GRIK4: variants seen among roughly 807,000 people sequenced by gnomAD.
The protein encoded by GRIK4 is glutamate receptor ionotropic, kainate 4.
Under a neutral mutation model 104.9 loss-of-function variants are expected in GRIK4, and 40 were observed. The ratio of observed to expected loss-of-function variants is 0.38; its 90% CI spans 0.30 to 0.50. The LOEUF (loss-of-function observed/expected upper bound fraction) is 0.50, where lower values mean the gene tolerates loss of function less well. Ranked by LOEUF, GRIK4 falls within the 20% of genes least tolerant of loss-of-function variation. The pLI, the probability that GRIK4 is intolerant of heterozygous loss-of-function variation, is 0.93. For synonymous variants in GRIK4, 485 were observed against 524.9 expected (o/e 0.92, Z 1.04); for missense variants, 1,047 against 1,308.1 (o/e 0.80, Z 3.08).
intron 1 of GRIK4, among the ~76,000 whole-genome samples, chr11:120,531,193 G>A (rs1947920046): frequency 6.6e-6 from 1 of 152,184 alleles, no homozygotes; most frequent in African/African-American, 2.4e-5. Flanking sequence ...GTGGATTTGC[G>A]ATTCTTATGT....
chr11:120,530,649 G>A (rs536799830), intron 1 of GRIK4, among the ~76,000 whole-genome samples: 18 of 152,264 alleles, frequency 1.2e-4, no homozygotes, highest in African/African-American at 3.6e-4. Flanking sequence ...CTCTGTCTTC[G>A]ACAACCGCGT....
At position 120,961,035 on chromosome 11, in the gene GRIK4, T is replaced by C. The variant is rs749073836; in HGVS notation, c.2001T>C (p.Tyr667=). 5.0e-6 allele frequency: 8 copies of C among 1,614,200 alleles called. No individual in the cohort carries two copies. In the South Asian group the frequency reaches 7.7e-5, roughly 16 times the overall value. ...TGGCTGACCAGACCGCCATTGAATA[T>C]GGCACAATTCACGGAGGCTCCAGCA... is the stretch of plus-strand genomic sequence containing the variant. ...DDLADQTAIE[Y]GTIHGGSSMT... The change falls in exon 17 of 21, where the codon TAT becomes TAC. Residue 667 remains tyrosine, a synonymous_variant. Coordinates refer to ENST00000527524, the MANE Select transcript of GRIK4 (RefSeq NM_014619.5).
chr11:120,616,042 G>A (rs1949108454), intron 1 of GRIK4, among the ~76,000 whole-genome samples: 2 of 152,132 alleles, frequency 1.3e-5, no homozygotes, highest in African/African-American at 4.8e-5. Flanking sequence ...TGGCTGACAG[G>A]TCAAGCACCC....
In GRIK4 at chr11:120,543,742, T is replaced by A. The variant is rs1798094729; in HGVS notation, c.-159+31855T>A. Among the ~76,000 whole-genome samples the A allele has an allele frequency of 2.0e-5, 3 of 152,186 alleles. 1 individual carries two copies. In the South Asian group the frequency reaches 6.2e-4, roughly 32 times the overall value. On this transcript the variant is annotated intron_variant, in intron 1 of 20. Coordinates refer to ENST00000527524, the MANE Select transcript of GRIK4 (RefSeq NM_014619.5). The stretch of plus-strand genomic sequence containing the variant: ...ACTAGTCACAATAGCCAAGAGAGTG[T>A]TCCTCTTGGAAGAATGGAATCCAGA...
intron 19 of GRIK4, among the ~76,000 whole-genome samples, chr11:120,978,360 G>A (rs537834749): frequency 6.6e-5 from 10 of 152,260 alleles, no homozygotes; most frequent in South Asian, 4.1e-4. Context: ...AGTGACCTCC[G>A]AGCTAAGTCT....
rs1953045939 is a variant in GRIK4, at chr11:120,819,372, C to T, written c.346-383C>T. On this transcript the variant is annotated intron_variant, in intron 5 of 20. Transcript: ENST00000527524. The surrounding 1 kb of genome is among the most constrained non-coding windows in gnomAD (Gnocchi z 4.3). ...CGTCTCTGCTCTGATGTATTAACTA[C>T]AAATAAAATATTCTAAGGATTATGC... is the stretch of plus-strand genomic sequence containing the variant. Among the ~76,000 whole-genome samples the T allele has an allele frequency of 6.6e-6, 1 of 152,180 alleles. No individual in the cohort carries two copies. The highest frequency in any genetic ancestry group is 1.5e-5 in the Non-Finnish European group (1 of 68,038).
intron 8 of GRIK4, among the ~76,000 whole-genome samples, chr11:120,838,322 T>C (rs1356342735): frequency 1.3e-5 from 2 of 152,218 alleles, no homozygotes; most frequent in East Asian, 3.8e-4. Context: ...ACAAGTTTAT[T>C]ATGAGGATTA....
chr11:120,528,535 C>T (rs1396199799), intron 1 of GRIK4, among the ~76,000 whole-genome samples: 1 of 152,172 alleles, frequency 6.6e-6, no homozygotes, highest in African/African-American at 2.4e-5. Flanking sequence ...TCTTAGGGAA[C>T]CCATCTGTAT....
intron 1 of GRIK4, among the ~76,000 whole-genome samples, chr11:120,537,728 C>T (rs1947992420): frequency 6.6e-6 from 1 of 152,226 alleles, no homozygotes; most frequent in African/African-American, 2.4e-5. Context: ...CCTTTACCTA[C>T]AGCTTCAGTC....
intron 19 of GRIK4, among the ~76,000 whole-genome samples, chr11:120,972,839 G>T (rs1462765824): frequency 2.0e-5 from 3 of 152,092 alleles, no homozygotes; most frequent in Non-Finnish European, 1.5e-5. Context: ...TATTTCTGGA[G>T]TTTGGCAAAC....
intron 1 of GRIK4, among the ~76,000 whole-genome samples, chr11:120,518,508 C>T (rs1282680293): frequency 6.6e-6 from 1 of 151,944 alleles, no homozygotes; most frequent in Non-Finnish European, 1.5e-5. Flanking sequence ...CCCAGAGAGA[C>T]GAGGGGCCCA....
intron 12 of GRIK4, among the ~76,000 whole-genome samples, chr11:120,901,136 C>T (rs189905430): frequency 4.1e-4 from 63 of 152,310 alleles, no homozygotes; most frequent in Admixed American, 2.2e-3. Context: ...CTCCTGTCAG[C>T]GTGGTCATTT....
intron 3 of GRIK4, among the ~76,000 whole-genome samples, chr11:120,689,920 T>C (rs1411836171): frequency 6.6e-6 from 1 of 152,226 alleles, no homozygotes; most frequent in Non-Finnish European, 1.5e-5. Context: ...TTCCTGGTGC[T>C]CGATAAATAT....
chr11:120,974,046 T>C (rs1944520327), intron 19 of GRIK4, among the ~76,000 whole-genome samples: 1 of 152,176 alleles, frequency 6.6e-6, no homozygotes, highest in Admixed American at 6.5e-5. Context: ...TAGCTGGGAT[T>C]ACAGGCGCAT....
chr11:120,968,596 C>T (rs189196348), intron 19 of GRIK4, among the ~76,000 whole-genome samples: 125 of 152,242 alleles, frequency 8.2e-4, no homozygotes, highest in African/African-American at 2.9e-3. Context: ...TATGGATATA[C>T]GGAGCAAGTA....
At chr11:120,565,913 A>T (rs891440934) in intron 1 of GRIK4, among the ~76,000 whole-genome samples, 1 of 152,224 alleles carries the variant, frequency 6.6e-6, no homozygotes, top group Non-Finnish European at 1.5e-5. Flanking sequence ...GAGTTGAGAC[A>T]CACGTGGTTA....
chr11:120,679,632 C>T (rs1950159076), intron 3 of GRIK4, among the ~76,000 whole-genome samples: 2 of 152,160 alleles, frequency 1.3e-5, no homozygotes, highest in African/African-American at 4.8e-5. Context: ...GTGTCTCCAC[C>T]CTCTGGACAC....
chr11:120,603,695 T>A (rs1377996126), intron 1 of GRIK4, among the ~76,000 whole-genome samples: 1 of 152,204 alleles, frequency 6.6e-6, no homozygotes, highest in African/African-American at 2.4e-5. Flanking sequence ...TCCTTTGCCT[T>A]CAAGCGTCAT....
chr11:120,922,726 G>A lies in GRIK4; in HGVS notation c.1476+17233G>A, dbSNP rs945250356. 2.6e-5 allele frequency among the ~76,000 whole-genome samples: 4 copies of A among 152,198 alleles called. 1 individual carries two copies. Among genetic ancestry groups the A allele is most frequent in the Admixed American group, 2.6e-4 (4 of 15,278 alleles). ...CAGCGTGAGAGCCAGGCCTGGCTTA[G>A]TTGTGCCGATGGCGGTGTCGGCAGC... On this transcript the variant is annotated intron_variant, in intron 13 of 20. Coordinates refer to ENST00000527524, the MANE Select transcript of GRIK4 (RefSeq NM_014619.5).
Sources: gnomAD v4.1 joint callset for allele counts (sites outside exome capture counted in the v4.1 genomes callset) on GRCh38, gnomAD v4.1.1 for gene constraint, Gnocchi (gnomAD v3.1) non-coding constraint, MANE v1.5 for transcripts, NCBI Gene and HGNC (gene_info 2026-07-23, HGNC 2026-07-21) for gene names.